The following AGMO variants were observed in gnomAD, a reference collection of about 807,000 sequenced individuals.
The protein encoded by AGMO is alkylglycerol monooxygenase, also known as glyceryl-ether monooxygenase.
A neutral mutation model predicts 60.2 loss-of-function variants in AGMO; 75 were observed. The observed-to-expected ratio is 1.25, with a 90% CI of 1.03 to 1.51. The LOEUF (loss-of-function observed/expected upper bound fraction) is 1.51, where lower values mean the gene tolerates loss of function less well. Ranked by LOEUF, AGMO falls within the 40% of genes most tolerant of loss-of-function variation. AGMO has a pLI of 0.00. For synonymous variants in AGMO, 261 were observed against 177.1 expected (o/e 1.47, Z -3.76); for missense variants, 763 against 525.5 (o/e 1.45, Z -4.42).
intron 3 of AGMO, among the ~76,000 whole-genome samples, chr7:15,477,480 G>T (rs1170637063): frequency 6.6e-6 from 1 of 152,104 alleles, no homozygotes; most frequent in East Asian, 1.9e-4. Flanking sequence ...AGACACTGGT[G>T]CAAGGAAATG....
At chr7:15,161,657 T>A in the AGMO span, among the ~76,000 whole-genome samples, 3 of 151,300 alleles carry the variant, frequency 2.0e-5, no homozygotes, top group Non-Finnish European at 4.4e-5. Flanking sequence ...TCATATATAA[T>A]CCATATATGG....
At chr7:15,440,555 A>G (rs1781524877) in intron 3 of AGMO, among the ~76,000 whole-genome samples, 1 of 152,232 alleles carries the variant, frequency 6.6e-6, no homozygotes, top group African/African-American at 2.4e-5. Context: ...AAAAACACAC[A>G]TAGTTTCATC....
chr7:15,412,091 A>G (rs1780629254), intron 5 of AGMO, among the ~76,000 whole-genome samples: 1 of 152,090 alleles, frequency 6.6e-6, no homozygotes. Flanking sequence ...TTTATCTGTT[A>G]GCTTCTGAAA....
At chr7:15,556,141 A>G (rs1052095831) in intron 2 of AGMO, among the ~76,000 whole-genome samples, 8 of 151,238 alleles carry the variant, frequency 5.3e-5, no homozygotes, top group African/African-American at 1.9e-4. Flanking sequence ...AAAACCCAGT[A>G]TACAATTTTT....
At chr7:15,453,332 TA>T (rs1349546610) in intron 3 of AGMO, among the ~76,000 whole-genome samples, 1 of 152,302 alleles carries the variant, frequency 6.6e-6, no homozygotes, top group East Asian at 1.9e-4. Context: ...TTCACTTAAC[TA>T]AAGCAAAAGG....
At chr7:15,384,745 T>C (rs1783843651) in intron 10 of AGMO, among the ~76,000 whole-genome samples, 1 of 152,048 alleles carries the variant, frequency 6.6e-6, no homozygotes, top group Non-Finnish European at 1.5e-5. Flanking sequence ...ACTGCTTTCA[T>C]GTACCTTTTT....
chr7:15,556,455 C>T (rs1785142864), intron 2 of AGMO, among the ~76,000 whole-genome samples: 1 of 151,930 alleles, frequency 6.6e-6, no homozygotes, highest in African/African-American at 2.4e-5. Context: ...GATTTATAAT[C>T]TGCTGTTTCA....
chr7:15,119,404 C>T, the AGMO span, among the ~76,000 whole-genome samples: 13 of 152,004 alleles, frequency 8.6e-5, no homozygotes, highest in Non-Finnish European at 8.8e-5. Flanking sequence ...CAGTTTAATA[C>T]TTATAATTTC....
intron 12 of AGMO, among the ~76,000 whole-genome samples, chr7:15,236,145 T>C (rs1368593755): frequency 6.6e-6 from 1 of 152,146 alleles, no homozygotes; most frequent in Non-Finnish European, 1.5e-5. Context: ...ATTGTTCATG[T>C]ATAAAGATTT....
intron 3 of AGMO, among the ~76,000 whole-genome samples, chr7:15,461,775 C>T (rs10233575): frequency 0.79 from 120,797 of 151,988 alleles, 48,996 homozygotes; most frequent in African/African-American, 0.87. Flanking sequence ...GCTGAAAAGC[C>T]ACATATTTAC....
In AGMO at chr7:15,201,352, A is replaced by G. The variant is rs1257102091; in HGVS notation, c.1271T>C (p.Phe424Ser). 1 of 1,611,956 alleles carries G rather than the reference A, an allele frequency of 6.2e-7. No homozygotes were observed. Among genetic ancestry groups the G allele is most frequent in the Admixed American group, 1.7e-5 (1 of 59,930 alleles). The change falls in exon 13 of 13, where the codon TTT (phenylalanine) becomes TCT (serine). Residue 424 changes from phenylalanine (F) to serine (S), a missense_variant. Phe to Ser is a radical substitution (Grantham distance 155, BLOSUM62 -2). Transcript: ENST00000342526. ...PSLSSAFEIV[F>S]SICIAFWGVR... The stretch of plus-strand genomic sequence containing the variant: ...TCCCCAGAAAGCAATGCAAATGGAA[A>G]AAACAATCTGAAGAAATAAAACACA...
chr7:15,233,549 TG>T (rs1435646928), intron 12 of AGMO, among the ~76,000 whole-genome samples: 3 of 149,482 alleles, frequency 2.0e-5, no homozygotes, highest in Admixed American at 6.6e-5. Context: ...TACAGAGAGT[TG>T]TTTTTTTTTT....
rs547038367 is a variant in AGMO at position 15,488,047 on chromosome 7, G to C, written c.409+56725C>G. Among the ~76,000 whole-genome samples, 18 of 152,200 alleles carry C rather than the reference G, an allele frequency of 1.2e-4. No homozygotes were observed. The East Asian group carries it at 2.9e-3, about 25-fold the overall frequency. ...CGAGATCTGTTTAGAATGAGGCTCT[G>C]TTTCTAAGAAGGAAAGGAAGGAGCA... On this transcript the variant is annotated intron_variant, in intron 3 of 12. Coordinates refer to ENST00000342526, the MANE Select transcript of AGMO (RefSeq NM_001004320.2).
the AGMO span, among the ~76,000 whole-genome samples, chr7:15,151,137 T>G: frequency 6.6e-6 from 1 of 152,116 alleles, no homozygotes; most frequent in Non-Finnish European, 1.5e-5. Flanking sequence ...TAAGTTTTGT[T>G]TGTTTGTTTT....
At position 15,500,486 on chromosome 7, in the gene AGMO, A is replaced by G. The variant is rs574509540; in HGVS notation, c.409+44286T>C. Among the ~76,000 whole-genome samples the G allele has an allele frequency of 6.3e-4, 96 of 151,798 alleles. 3 individuals carry two copies. The South Asian group carries it at 0.019, about 31-fold the overall frequency. On this transcript the variant is annotated intron_variant, in intron 3 of 12. Coordinates refer to ENST00000342526, the MANE Select transcript of AGMO (RefSeq NM_001004320.2). Reference sequence around the variant, plus strand: ...TATTTGAAAATAAGAGTATCGATTCATGTGCTGTATATGAGTGTGTGTGTG... The same window carrying G: ...TATTTGAAAATAAGAGTATCGATTCGTGTGCTGTATATGAGTGTGTGTGTG...
At chr7:15,435,169 C>G (rs1384129141) in intron 3 of AGMO, among the ~76,000 whole-genome samples, 2 of 151,982 alleles carry the variant, frequency 1.3e-5, no homozygotes, top group Non-Finnish European at 2.9e-5. Flanking sequence ...AAAGTTCTAT[C>G]AAGTAGTTAT....
intron 12 of AGMO, among the ~76,000 whole-genome samples, chr7:15,238,880 TA>T (rs1435140434): frequency 6.6e-6 from 1 of 152,180 alleles, no homozygotes; most frequent in Admixed American, 6.5e-5. Context: ...TAACTTTTAA[TA>T]ATATGTACCC....
chr7:15,448,367 T>C (rs1781759947), intron 3 of AGMO, among the ~76,000 whole-genome samples: 1 of 152,204 alleles, frequency 6.6e-6, no homozygotes. Context: ...GATGGTCATC[T>C]ATGGACCAGG....
chr7:15,198,255 GACA>G (rs1781184637), downstream of AGMO, among the ~76,000 whole-genome samples: 1 of 60,484 alleles, frequency 1.7e-5, no homozygotes. Flanking sequence ...GAGAGAGAGA[GACA>G]GAGACAGAGA....
Sources: gnomAD v4.1 joint callset for allele counts (sites outside exome capture counted in the v4.1 genomes callset) on GRCh38, gnomAD v4.1.1 for gene constraint, MANE v1.5 for transcripts, NCBI Gene and HGNC (gene_info 2026-07-23, HGNC 2026-07-21) for gene names.